Variants in MAPK10 observed in about 807,000 individuals in gnomAD.
MAPK10 encodes the protein JNK3 alpha protein kinase.
Under a neutral mutation model 59.3 loss-of-function variants are expected in MAPK10, and 25 were observed. The ratio of observed to expected loss-of-function variants is 0.42; its 90% CI spans 0.31 to 0.59. MAPK10 has a LOEUF of 0.59. MAPK10 is among the 20% of genes least tolerant of loss of function. The pLI, the probability that MAPK10 is intolerant of heterozygous loss-of-function variation, is 0.15. For missense variants in MAPK10, 351 were observed against 568.9 expected (o/e 0.62, Z 3.90); for synonymous variants, 190 against 200.5 (o/e 0.95, Z 0.44).
intron 1 of MAPK10, among the ~76,000 whole-genome samples, chr4:86,575,384 C>T (rs909072420): frequency 9.2e-5 from 14 of 152,132 alleles, no homozygotes; most frequent in African/African-American, 3.1e-4. Flanking sequence ...GAAAGAGATC[C>T]ATCCTATTGG....
At chr4:86,429,292 G>A (rs1021881261) in intron 1 of MAPK10, among the ~76,000 whole-genome samples, 1 of 152,210 alleles carries the variant, frequency 6.6e-6, no homozygotes, top group East Asian at 1.9e-4. Context: ...TCTGTAAAAT[G>A]AAGATAATTC....
intron 1 of MAPK10, among the ~76,000 whole-genome samples, chr4:86,538,203 T>C: frequency 6.6e-6 from 1 of 152,102 alleles, no homozygotes; most frequent in East Asian, 1.9e-4. Context: ...CTGGAGTGCA[T>C]TGTCACAATC....
chr4:86,071,677 G>C (rs1421969662), intron 9 of MAPK10, among the ~76,000 whole-genome samples: 1 of 151,292 alleles, frequency 6.6e-6, no homozygotes, highest in Admixed American at 6.6e-5. Context: ...GTTTTTCTCA[G>C]GTTTGTCAAA....
intron 2 of MAPK10, among the ~76,000 whole-genome samples, chr4:86,197,853 AACT>A (rs2081717130): frequency 6.6e-6 from 1 of 152,154 alleles, no homozygotes; most frequent in Admixed American, 6.6e-5. Context: ...AGAGATCAAG[AACT>A]ATTATAAAGG....
intron 2 of MAPK10, among the ~76,000 whole-genome samples, chr4:86,339,025 T>C (rs1475824879): frequency 6.6e-6 from 1 of 152,154 alleles, no homozygotes. Flanking sequence ...TATAAGCAGA[T>C]TGAGAATCTG....
intron 1 of MAPK10, chr4:86,358,134 T>A (rs1386276088): frequency 1.0e-6 from 1 of 985,264 alleles, no homozygotes; most frequent in Admixed American, 6.2e-5. Context: ...AATCTAATGG[T>A]TCTGAAGTGG....
At position 86,298,078 on chromosome 4, in the gene MAPK10, T is replaced by C. The variant is rs2095402830; in HGVS notation, c.-7+56452A>G. ...GCTCCACTTACCTGATTTGACCTGCTGGATTCCATGTTTTCTGTAAGACTC... is the reference window on the plus strand; with the variant it reads ...GCTCCACTTACCTGATTTGACCTGCCGGATTCCATGTTTTCTGTAAGACTC... On this transcript the variant is annotated intron_variant, in intron 2 of 13. Transcript: ENST00000641462. Among the ~76,000 whole-genome samples, 4 of 152,234 alleles carry C rather than the reference T, an allele frequency of 2.6e-5. No individual in the cohort carries two copies. The South Asian group carries it at 8.3e-4, about 32-fold the overall frequency.
At chr4:86,440,956 G>T (rs562760970) in intron 1 of MAPK10, among the ~76,000 whole-genome samples, 1 of 152,174 alleles carries the variant, frequency 6.6e-6, no homozygotes, top group South Asian at 2.1e-4. Flanking sequence ...GAAGGAGGAG[G>T]AATACAAGCA....
rs186556637 is a variant in MAPK10, at chr4:86,392,677, G to A, written c.-121-38033C>T. 1.5e-3 allele frequency among the ~76,000 whole-genome samples: 231 copies of A among 152,308 alleles called. 2 individuals are homozygous for A. In the South Asian group the frequency reaches 0.016, roughly 10 times the overall value. ...GTTCCATTCTATCCTCAGTACTAAG[G>A]ATAGTGTCAGATACATAAAAGGTGC... On this transcript the variant is annotated intron_variant, in intron 1 of 13. Coordinates refer to the MAPK10 transcript ENST00000361569.
intron 2 of MAPK10, among the ~76,000 whole-genome samples, chr4:86,205,518 TAA>T (rs1370504850): frequency 1.3e-5 from 2 of 151,824 alleles, no homozygotes; most frequent in African/African-American, 2.4e-5. Flanking sequence ...AAAGATAATA[TAA>T]GACAAGAAAA....
intron 1 of MAPK10, among the ~76,000 whole-genome samples, chr4:86,579,032 A>C (rs538097166): frequency 8.5e-5 from 13 of 152,292 alleles, no homozygotes; most frequent in Non-Finnish European, 1.3e-4. Context: ...ATGTGATATA[A>C]TCTAAAAAGT....
intron 2 of MAPK10, among the ~76,000 whole-genome samples, chr4:86,338,689 G>C (rs1249789755): frequency 2.0e-5 from 3 of 152,144 alleles, no homozygotes; most frequent in Non-Finnish European, 4.4e-5. Context: ...GTTCACCCAG[G>C]AGTACACATG....
chr4:86,165,695 C>G (rs759782040), intron 3 of MAPK10, among the ~76,000 whole-genome samples: 4 of 151,636 alleles, frequency 2.6e-5, no homozygotes, highest in Non-Finnish European at 5.9e-5. Context: ...GCCACAGCAC[C>G]TGGCCTTATA....
chr4:86,493,252 C>T (rs554417076), intron 1 of MAPK10, among the ~76,000 whole-genome samples: 7 of 152,246 alleles, frequency 4.6e-5, no homozygotes, highest in African/African-American at 1.2e-4. Flanking sequence ...GCCTGATTTG[C>T]GAATCGTTCA....
chr4:86,418,188 T>C (rs1564833506), intron 1 of MAPK10, among the ~76,000 whole-genome samples: 1 of 152,218 alleles, frequency 6.6e-6, no homozygotes, highest in Non-Finnish European at 1.5e-5. Context: ...TAAACACTTG[T>C]TGAATAACTT....
chr4:86,132,187 ATTAT>A (rs1039891225), intron 4 of MAPK10, among the ~76,000 whole-genome samples: 2 of 152,208 alleles, frequency 1.3e-5, no homozygotes, highest in Non-Finnish European at 2.9e-5. Context: ...TAATAACCTA[ATTAT>A]TTAATCATTG....
chr4:86,500,653 T>C (rs1409126423), intron 1 of MAPK10, among the ~76,000 whole-genome samples: 2 of 152,088 alleles, frequency 1.3e-5, no homozygotes, highest in Non-Finnish European at 2.9e-5. Flanking sequence ...TATATATGTT[T>C]CCCCATAAAA....
At chr4:86,053,967 C>G (rs1361189776) in intron 11 of MAPK10, among the ~76,000 whole-genome samples, 1 of 152,168 alleles carries the variant, frequency 6.6e-6, no homozygotes, top group East Asian at 1.9e-4. Flanking sequence ...TCCCTTCCCC[C>G]TTTTCATAAA....
At chr4:86,518,484 A>G (rs372543778) in intron 1 of MAPK10, among the ~76,000 whole-genome samples, 6 of 152,028 alleles carry the variant, frequency 3.9e-5, no homozygotes, top group Non-Finnish European at 8.8e-5. Context: ...TTCTAATTCA[A>G]TTTATTTGGA....
Sources: allele counts gnomAD v4.1 joint callset (sites outside exome capture counted in the v4.1 genomes callset), GRCh38; gene constraint gnomAD v4.1.1; transcripts MANE v1.5; gene names NCBI Gene and HGNC (gene_info 2026-07-23, HGNC 2026-07-21).